FHIT: variants seen among roughly 807,000 people sequenced by gnomAD.
The protein encoded by FHIT is bis(5'-adenosyl)-triphosphatase.
FHIT carries 19 observed loss-of-function variants against 17.9 expected under a neutral mutation model. That is an observed-to-expected ratio of 1.06 (90% confidence interval 0.74 to 1.56). The LOEUF (loss-of-function observed/expected upper bound fraction) is 1.56. Ranked by LOEUF, FHIT falls within the 40% of genes most tolerant of loss-of-function variation. FHIT has a pLI of 0.00. For synonymous variants in FHIT, 81 were observed against 69.7 expected, an observed-to-expected ratio of 1.16 and a Z score of -0.81; for missense variants, 248 against 189.2, an observed-to-expected ratio of 1.31 and a Z score of -1.82.
chr3:60,739,027 G>A (rs1284625896), intron 4 of FHIT, among the ~76,000 whole-genome samples: 4 of 152,158 alleles, frequency 2.6e-5, no homozygotes, highest in Non-Finnish European at 5.9e-5. Context: ...ATGTCTGAAC[G>A]CCGAGAGGAA....
chr3:61,205,679 T>C (rs1194717327), intron 1 of FHIT, among the ~76,000 whole-genome samples: 1 of 152,228 alleles, frequency 6.6e-6, no homozygotes, highest in African/African-American at 2.4e-5. Flanking sequence ...GTTTTTGTCT[T>C]GTAAATTTAT....
chr3:60,825,134 T>C lies in FHIT; in HGVS notation c.-110-3123A>G, dbSNP rs112072532. Among the ~76,000 whole-genome samples, 71 of 152,350 alleles carry C rather than the reference T, an allele frequency of 4.7e-4. 2 individuals are homozygous for C. Among genetic ancestry groups the C allele is most frequent in the Middle Eastern group, 3.4e-3 (1 of 294 alleles). Reference sequence around the variant, plus strand: ...ATCATGAATTGGTATATTATTCTATTGAGCAATTTTACTGTATTATCAAAA... The same window carrying C: ...ATCATGAATTGGTATATTATTCTATCGAGCAATTTTACTGTATTATCAAAA... On this transcript the variant is annotated intron_variant, in intron 3 of 9. Transcript: ENST00000492590.
At chr3:60,882,642 AAAAAG>A (rs1225553163) in intron 3 of FHIT, among the ~76,000 whole-genome samples, 1 of 152,196 alleles carries the variant, frequency 6.6e-6, no homozygotes, top group Admixed American at 6.5e-5. Flanking sequence ...ATAGATGCAG[AAAAAG>A]AAAAGAAAAT....
At chr3:60,259,611 C>T (rs9875995) in intron 5 of FHIT, among the ~76,000 whole-genome samples, 1,543 of 152,124 alleles carry the variant, frequency 0.01, 28 homozygotes, top group African/African-American at 0.035. Flanking sequence ...TTGCTAAATC[C>T]TTAGAGTAAC....
In FHIT at chr3:61,232,106, G is replaced by A. The variant is rs777924087; in HGVS notation, c.-213+19195C>T. Among the ~76,000 whole-genome samples the A allele has an allele frequency of 7.9e-5, 12 of 152,300 alleles. No individual in the cohort carries two copies. The East Asian group carries it at 1.7e-3, about 22-fold the overall frequency. ...AAAAGTTAAACATACAATGGGGGCC[G>A]GGCATGGTGGCTCATGCCTGTAATC... On this transcript the variant is annotated intron_variant, in intron 1 of 9. Transcript: ENST00000492590.
At chr3:60,863,229 A>G (rs1704001244) in intron 3 of FHIT, among the ~76,000 whole-genome samples, 1 of 152,180 alleles carries the variant, frequency 6.6e-6, no homozygotes, top group Admixed American at 6.5e-5. Context: ...CCTAACAGAC[A>G]TAAAGAAAAT....
At chr3:61,049,570 A>G (rs2033948165) in intron 2 of FHIT, among the ~76,000 whole-genome samples, 1 of 152,134 alleles carries the variant, frequency 6.6e-6, no homozygotes, top group Non-Finnish European at 1.5e-5. Flanking sequence ...CTTCACTAAA[A>G]GGACATATAT....
At chr3:60,859,092 G>C (rs1167555494) in intron 3 of FHIT, among the ~76,000 whole-genome samples, 1 of 152,116 alleles carries the variant, frequency 6.6e-6, no homozygotes, top group South Asian at 2.1e-4. Flanking sequence ...TGCATTTGTG[G>C]TATTTACAGC....
intron 4 of FHIT, among the ~76,000 whole-genome samples, chr3:60,613,150 C>G (rs2038837171): frequency 6.6e-6 from 1 of 152,226 alleles, no homozygotes; most frequent in African/African-American, 2.4e-5. Flanking sequence ...TTTTCTTCCT[C>G]TGCCCCCTCC....
chr3:60,968,536 C>T, intron 3 of FHIT, among the ~76,000 whole-genome samples: 1 of 151,778 alleles, frequency 6.6e-6, no homozygotes, highest in East Asian at 1.9e-4. Context: ...CTTCAGCCTC[C>T]CGTGTAGCTG....
chr3:59,966,726 T>G (rs1707943696), intron 7 of FHIT, among the ~76,000 whole-genome samples: 3 of 152,132 alleles, frequency 2.0e-5, no homozygotes, highest in Non-Finnish European at 2.9e-5. Flanking sequence ...GAATGGAGCT[T>G]GTTGGATTGG....
chr3:60,632,627 A>T (rs1475743375), intron 4 of FHIT, among the ~76,000 whole-genome samples: 2 of 152,212 alleles, frequency 1.3e-5, no homozygotes, highest in African/African-American at 4.8e-5. Flanking sequence ...CCTCGGAGAT[A>T]AACTTTCTAG....
At chr3:60,558,791 A>AGATATCTT (rs1465307282) in intron 4 of FHIT, among the ~76,000 whole-genome samples, 1 of 152,188 alleles carries the variant, frequency 6.6e-6, no homozygotes, top group Non-Finnish European at 1.5e-5. Context: ...TTTAGATACC[A>AGATATCTT]TTACCAATCA....
intron 4 of FHIT, among the ~76,000 whole-genome samples, chr3:60,713,066 TAACA>T (rs1553705610): frequency 1.3e-5 from 2 of 152,176 alleles, no homozygotes. Context: ...AGAGAAATTA[TAACA>T]AACTGTCTCT....
chr3:60,001,022 G>T (rs1385306115), intron 7 of FHIT, among the ~76,000 whole-genome samples: 1 of 152,152 alleles, frequency 6.6e-6, no homozygotes, highest in Non-Finnish European at 1.5e-5. Flanking sequence ...CTGGGTTTAT[G>T]GGTTATCTCT....
At chr3:59,863,242 C>A (rs182379989) in intron 8 of FHIT, among the ~76,000 whole-genome samples, 5 of 152,182 alleles carry the variant, frequency 3.3e-5, no homozygotes, top group African/African-American at 1.2e-4. Flanking sequence ...ATCAGAGGGA[C>A]GTTTCAGGGC....
intron 5 of FHIT, among the ~76,000 whole-genome samples, chr3:60,387,689 A>C (rs530870643): frequency 2.6e-5 from 4 of 151,750 alleles, no homozygotes; most frequent in Admixed American, 6.6e-5. Context: ...CTCTCACACC[A>C]TTATTGTCAC....
At chr3:60,627,100 A>G (rs569113740) in intron 4 of FHIT, among the ~76,000 whole-genome samples, 1 of 152,170 alleles carries the variant, frequency 6.6e-6, no homozygotes, top group East Asian at 1.9e-4. Context: ...TCTTCCACTG[A>G]GGATTTTTAC....
At chr3:60,589,600 C>A (rs568992927) in intron 4 of FHIT, among the ~76,000 whole-genome samples, 1 of 151,894 alleles carries the variant, frequency 6.6e-6, no homozygotes, top group East Asian at 1.9e-4. Flanking sequence ...TTGTCCACGT[C>A]GGGGGATATA....
Sources: gnomAD v4.1 joint callset for allele counts (sites outside exome capture counted in the v4.1 genomes callset) on GRCh38, gnomAD v4.1.1 for gene constraint, MANE v1.5 for transcripts, NCBI Gene and HGNC (gene_info 2026-07-23, HGNC 2026-07-21) for gene names.